CCAR1: variants seen among roughly 807,000 people sequenced by gnomAD.
CCAR1 encodes cell division cycle and apoptosis regulator 1, also known as cell division cycle and apoptosis regulator protein 1.
A neutral mutation model predicts 163.8 loss-of-function variants in CCAR1; 78 were observed. The ratio of observed to expected loss-of-function variants is 0.48; its 90% CI spans 0.40 to 0.57. CCAR1 has a LOEUF of 0.57. CCAR1 is among the 20% of genes least tolerant of loss of function. The pLI, the probability that CCAR1 is intolerant of heterozygous loss-of-function variation, is 0.00. For missense variants in CCAR1, 1,019 were observed against 1,365.2 expected, an observed-to-expected ratio of 0.75 and a Z score of 4.00; for synonymous variants, 443 against 460.7, an observed-to-expected ratio of 0.96 and a Z score of 0.49.
At position 68,756,411 on chromosome 10, in the gene CCAR1, C is replaced by G; in HGVS notation, c.1764C>G (p.Thr588=). ...HCLPTRSEWE[T]LSRGYKQQLV... is the part of the protein sequence containing the mutation. ...TTCCCACCCGCTCAGAGTGGGAAAC[C>G]CTCTCCCGAGGATACAAGCAGCAGC... Residue 588 remains threonine (T), a synonymous_variant, in exon 14 of 25, where the codon ACC becomes ACG. Coordinates refer to ENST00000265872, the MANE Select transcript of CCAR1 (RefSeq NM_018237.4). The surrounding 1 kb of genome is among the most constrained non-coding windows in gnomAD (Gnocchi z 5.1). The G allele has an allele frequency of 6.2e-7, 1 of 1,613,836 alleles. No individual in the cohort carries two copies. The highest frequency in any genetic ancestry group is 8.5e-7 in the Non-Finnish European group (1 of 1,179,962).
chr10:68,792,275 A>C lies in CCAR1; in HGVS notation c.*1009A>C, dbSNP rs2133447165. The C allele has an allele frequency of 6.6e-6, 1 of 152,256 alleles. No individual in the cohort carries two copies. The highest frequency in any genetic ancestry group is 1.9e-4 in the East Asian group (1 of 5,180). 9.4% of individuals were successfully genotyped at this position (152,256 alleles called of 1,614,324 possible). On this transcript the variant is annotated 3_prime_UTR_variant, in exon 25 of 25. Transcript: ENST00000265872. Reference sequence around the variant, plus strand: ...TTTTAATTTTGAGGGTTTAAAAAAAAATGCAGTGTATGTCAAATTTACAGT... The same window carrying C: ...TTTTAATTTTGAGGGTTTAAAAAAACATGCAGTGTATGTCAAATTTACAGT...
In CCAR1 at chr10:68,742,366, T is replaced by G; in HGVS notation, c.325-10T>G. ...CATTACCTTAATTTGATGTTGATTT[T>G]GTTTTATAGCCAGCTGTTGCACTGC... On this transcript the variant is annotated splice_polypyrimidine_tract_variant and intron_variant, in intron 5 of 24. Transcript: ENST00000265872. The G allele has an allele frequency of 1.3e-6, 2 of 1,569,678 alleles. No homozygotes were observed. The highest frequency in any genetic ancestry group is 1.7e-6 in the Non-Finnish European group (2 of 1,155,658).
At chr10:68,779,287 T>A (rs2056706071) in intron 19 of CCAR1, among the ~76,000 whole-genome samples, 1 of 152,064 alleles carries the variant, frequency 6.6e-6, no homozygotes, top group African/African-American at 2.4e-5. Flanking sequence ...AGACAGAGTT[T>A]TGCTCTGTCG....
At position 68,736,904 on chromosome 10, in the gene CCAR1, C is replaced by T. The variant is rs1171471266; in HGVS notation, c.102C>T (p.Leu34=). The T allele has an allele frequency of 1.9e-6, 3 of 1,613,638 alleles. No homozygotes were observed. Among genetic ancestry groups the T allele is most frequent in the African/African-American group, 2.7e-5 (2 of 74,886 alleles). The change falls in exon 3 of 25, where the codon CTC becomes CTT. Residue 34 remains leucine (L), a synonymous_variant. Transcript: ENST00000265872. ...CACTGGGTGTTCAACAGCCATCACT[C>T]CTTGGAGCATCTCCTACCATTTATA... ...PAALGVQQPS[L]LGASPTIYTQ... is the part of the protein sequence containing the mutation.
chr10:68,785,814 C>G (rs1331454676), intron 19 of CCAR1, among the ~76,000 whole-genome samples: 2 of 152,182 alleles, frequency 1.3e-5, no homozygotes, highest in Admixed American at 1.3e-4. Context: ...CTTTTTGTTT[C>G]TGTAGATATT....
Position 68,756,728 on chromosome 10 carries a change from A to G in CCAR1, c.1836+245A>G. 1.8e-6 allele frequency: 1 copy of G among 552,802 alleles called. No individual in the cohort carries two copies. Among genetic ancestry groups the G allele is most frequent in the East Asian group, 3.6e-5 (1 of 27,476 alleles). The allele number at this position is 552,802 out of a possible 1,614,324, so 34.2% of individuals were successfully genotyped here. On this transcript the variant is annotated intron_variant, in intron 14 of 24. Transcript: ENST00000265872. The surrounding 1 kb of genome is among the most constrained non-coding windows in gnomAD (Gnocchi z 5.1). ...ATAAGTTGTGCTTAAATTGCACAGA[A>G]TTTTGTTTTTATCATAGGTCTAGTT...
At chr10:68,732,801 CTG>C (rs1485134412) in intron 2 of CCAR1, among the ~76,000 whole-genome samples, 6 of 152,148 alleles carry the variant, frequency 3.9e-5, no homozygotes. Flanking sequence ...TGGCATGCGA[CTG>C]TAGTCCCAGT....
chr10:68,788,548 A>G (rs1302748547), intron 23 of CCAR1, among the ~76,000 whole-genome samples: 2 of 151,682 alleles, frequency 1.3e-5, no homozygotes, highest in African/African-American at 4.8e-5. Flanking sequence ...GCAGTGGCAC[A>G]ATCTCAACTT....
chr10:68,742,700 C>T, intron 6 of CCAR1, 131 bp downstream of exon 6: 1 of 720,630 alleles, frequency 1.4e-6, no homozygotes, highest in South Asian at 1.8e-5. Context: ...ACTGCAGCCT[C>T]TGCCTCCTGG....
intron 4 of CCAR1, 77 bp from the exon 5 acceptor site, chr10:68,740,552 A>C: frequency 6.3e-6 from 7 of 1,114,110 alleles, no homozygotes; most frequent in Middle Eastern, 2.0e-4. Flanking sequence ...TTATAGGATT[A>C]TTTCTTTTAT....
At chr10:68,761,760 G>A (rs543289772) in intron 16 of CCAR1, among the ~76,000 whole-genome samples, 13 of 151,812 alleles carry the variant, frequency 8.6e-5, no homozygotes, top group African/African-American at 2.7e-4. Flanking sequence ...GCACCACTAC[G>A]CCTGGCTAAT....
At chr10:68,753,825 T>C (rs747880611) in intron 10 of CCAR1, 27 bp from the exon 11 acceptor site, 1 of 1,469,394 alleles carries the variant, frequency 6.8e-7, no homozygotes, top group Non-Finnish European at 9.5e-7. Flanking sequence ...TAAGGCTATT[T>C]ATTCACTACT....
chr10:68,775,403 CT>C (rs2056651828), intron 19 of CCAR1, among the ~76,000 whole-genome samples: 1 of 152,082 alleles, frequency 6.6e-6, no homozygotes, highest in African/African-American at 2.4e-5. Flanking sequence ...TTTCTCTCCC[CT>C]GTACGCCCAG....
chr10:68,759,944 C>T (rs1158645145), intron 15 of CCAR1, among the ~76,000 whole-genome samples: 1 of 152,128 alleles, frequency 6.6e-6, no homozygotes, highest in Non-Finnish European at 1.5e-5. Context: ...AAGTGGTCCT[C>T]TGACCTAAGC....
chr10:68,775,010 TTC>T (rs2056647142), intron 19 of CCAR1: 1 of 371,030 alleles, frequency 2.7e-6, no homozygotes, highest in Non-Finnish European at 5.1e-6. Context: ...CTACATTTTC[TTC>T]TCTCTACCAT....
chr10:68,786,529 C>G lies in CCAR1; in HGVS notation c.2734-17C>G. 1 of 1,542,760 alleles carries G rather than the reference C, an allele frequency of 6.5e-7. No individual in the cohort carries two copies. The highest frequency in any genetic ancestry group is 8.7e-7 in the Non-Finnish European group (1 of 1,145,666). On this transcript the variant is annotated splice_polypyrimidine_tract_variant and intron_variant, in intron 20 of 24. Transcript: ENST00000265872. ...TGAAATTTGAATACTATGTTTTCTA[C>G]TTCTCCATTTTCTTAGGAAAAAGAA...
intron 16 of CCAR1, among the ~76,000 whole-genome samples, chr10:68,764,542 A>C (rs1230228308): frequency 6.6e-6 from 1 of 151,960 alleles, no homozygotes; most frequent in Non-Finnish European, 1.5e-5. Flanking sequence ...CTCAAAACAA[A>C]AAAAAAAAAG....
At chr10:68,774,115 C>T (rs1373583344) in intron 19 of CCAR1, among the ~76,000 whole-genome samples, 1 of 152,004 alleles carries the variant, frequency 6.6e-6, no homozygotes, top group Non-Finnish European at 1.5e-5. Flanking sequence ...TGGTCTCGAA[C>T]TCCCCACCTC....
In CCAR1 at chr10:68,787,914, G is replaced by C; in HGVS notation, c.2881-13G>C. The C allele has an allele frequency of 1.3e-6, 2 of 1,587,360 alleles. No homozygotes were observed. The highest frequency in any genetic ancestry group is 1.4e-5 in the African/African-American group (1 of 73,264). Reference sequence around the variant, plus strand: ...TTTCATCTCTGTATTTTGTTTACTTGCATGCATAACAGGTAAAGAAGCTTC... The same window carrying C: ...TTTCATCTCTGTATTTTGTTTACTTCCATGCATAACAGGTAAAGAAGCTTC... On this transcript the variant is annotated splice_polypyrimidine_tract_variant and intron_variant, in intron 21 of 24. Coordinates refer to ENST00000265872, the MANE Select transcript of CCAR1 (RefSeq NM_018237.4).
Sources: gnomAD v4.1 joint callset for allele counts (sites outside exome capture counted in the v4.1 genomes callset) on GRCh38, gnomAD v4.1.1 for gene constraint, Gnocchi (gnomAD v3.1) non-coding constraint, MANE v1.5 for transcripts, NCBI Gene and HGNC (gene_info 2026-07-23, HGNC 2026-07-21) for gene names.